Variants in TARBP1 observed in about 807,000 individuals in gnomAD.
TARBP1 encodes tRNA guanosine 2 -O-methyltransferase TARBP1, also known as tRNA (guanosine(18)-2'-O)-methyltransferase TARBP1.
TARBP1 carries 144 observed loss-of-function variants against 178.6 expected under a neutral mutation model. That is an observed-to-expected ratio of 0.81 (90% CI 0.70 to 0.93). The LOEUF is 0.93. Ranked by LOEUF, TARBP1 falls within the 40% of genes least tolerant of loss-of-function variation. TARBP1 has a pLI of 0.00. For synonymous variants in TARBP1, 787 were observed against 781.0 expected (o/e 1.01, Z -0.13); for missense variants, 2,067 against 2,011.7 (o/e 1.03, Z -0.53).
In TARBP1 at chr1:234,433,446, T is replaced by G. The variant is rs3754311; in HGVS notation, c.2358A>C (p.Ala786=). The change falls in exon 14 of 30, where the codon GCA becomes GCC. Residue 786 remains alanine (A), a synonymous_variant. Coordinates refer to ENST00000040877, the MANE Select transcript of TARBP1 (RefSeq NM_005646.4). The part of the protein sequence containing the change: ...IWRVISLLKN[A]SIQHLQEMDS... ...CCATCTCTTGAAGATGCTGAATGGA[T>G]GCATTTTTCAAAAGAGAAATAACTC... 1.9e-6 allele frequency: 3 copies of G among 1,613,808 alleles called. No individual in the cohort carries two copies. Among genetic ancestry groups the G allele is most frequent in the African/African-American group, 1.3e-5 (1 of 74,964 alleles).
chr1:234,414,739 C>T (rs1475921131), intron 22 of TARBP1, among the ~76,000 whole-genome samples: 1 of 152,170 alleles, frequency 6.6e-6, no homozygotes, highest in Non-Finnish European at 1.5e-5. Flanking sequence ...AATCCCAGCA[C>T]TTAGGGAGGC....
intron 22 of TARBP1, among the ~76,000 whole-genome samples, chr1:234,415,440 A>G (rs1158498915): frequency 6.6e-6 from 1 of 152,204 alleles, no homozygotes; most frequent in East Asian, 1.9e-4. Flanking sequence ...TGCTTTGAAT[A>G]AAGGAGGAAA....
chr1:234,435,179 G>A (rs1323307091), intron 13 of TARBP1, among the ~76,000 whole-genome samples: 1 of 152,224 alleles, frequency 6.6e-6, no homozygotes, highest in Non-Finnish European at 1.5e-5. Flanking sequence ...GCTGGGTGCA[G>A]TGGCTCACGC....
intron 12 of TARBP1, among the ~76,000 whole-genome samples, chr1:234,438,706 T>G (rs112471372): frequency 6.6e-6 from 1 of 152,094 alleles, no homozygotes; most frequent in African/African-American, 2.4e-5. Flanking sequence ...AGAAAGACAG[T>G]GGGGCTGAAG....
chr1:234,438,433 C>G (rs562116242), intron 12 of TARBP1, among the ~76,000 whole-genome samples: 2 of 152,256 alleles, frequency 1.3e-5, no homozygotes, highest in East Asian at 3.9e-4. Flanking sequence ...TAGAAATCCT[C>G]AGCAAAGAAA....
intron 7 of TARBP1, 22 bp downstream of exon 7, chr1:234,460,239 G>A (rs1321670031): frequency 2.5e-6 from 4 of 1,607,684 alleles, no homozygotes; most frequent in Admixed American, 1.7e-5. Context: ...AACCATACAA[G>A]TACATATACA....
chr1:234,432,770 G>A (rs930680250), intron 14 of TARBP1, among the ~76,000 whole-genome samples: 7 of 152,162 alleles, frequency 4.6e-5, no homozygotes, highest in Admixed American at 3.9e-4. Flanking sequence ...TCACGGCACT[G>A]TGGGAAGGAG....
At chr1:234,465,526 C>A in intron 5 of TARBP1, 130 bp downstream of exon 5, 3 of 716,270 alleles carry the variant, frequency 4.2e-6, no homozygotes, top group South Asian at 3.5e-5. Context: ...GAAAAAGGAC[C>A]ACATGATAAG....
At chr1:234,400,960 A>C in intron 25 of TARBP1, 1 of 382,228 alleles carries the variant, frequency 2.6e-6, no homozygotes, top group Non-Finnish European at 4.8e-6. Context: ...TGAGAAATAG[A>C]AAGTGAAAAT....
intron 26 of TARBP1, 123 bp from the exon 27 acceptor site, chr1:234,393,960 G>C (rs1659667193): frequency 3.7e-6 from 3 of 809,322 alleles, no homozygotes; most frequent in African/African-American, 1.8e-5. Flanking sequence ...TTTAGAATGA[G>C]ACTTAACAAA....
At position 234,450,479 on chromosome 1, in the gene TARBP1, C is replaced by G. The variant is rs768827683; in HGVS notation, c.1810G>C (p.Ala604Pro). The G allele has an allele frequency of 6.2e-7, 1 of 1,610,464 alleles. No individual in the cohort carries two copies. The highest frequency in any genetic ancestry group is 8.5e-7 in the Non-Finnish European group (1 of 1,178,512). ...SIGLHKTSLN[A>P]YVKSIVQEYV... ...TCTTGAACAATGCTCTTTACATAAG[C>G]ATTTAAAGATGTCTTGTGAAGTCCA... is the stretch of plus-strand genomic sequence containing the variant. The change falls in exon 10 of 30, where the codon GCT becomes CCT. Residue 604 changes from alanine (A) to proline (P), a missense_variant. Physicochemically the swap from Ala to Pro is conservative, Grantham distance 27. Coordinates refer to ENST00000040877, the MANE Select transcript of TARBP1 (RefSeq NM_005646.4).
At chr1:234,472,879 A>C in intron 1 of TARBP1, 68 bp from the exon 2 acceptor site, 1 of 1,169,720 alleles carries the variant, frequency 8.5e-7, no homozygotes, top group East Asian at 2.4e-5. Flanking sequence ...CAATGACAGC[A>C]GTTCTTAAAA....
At chr1:234,401,288 C>T (rs1189684559) in intron 24 of TARBP1, 26 bp from the exon 25 acceptor site, 2 of 1,572,826 alleles carry the variant, frequency 1.3e-6, no homozygotes, top group Non-Finnish European at 1.7e-6. Context: ...ATGGTATGAG[C>T]CACAGACAAA....
Position 234,398,387 on chromosome 1 carries a change from T to C in TARBP1, c.4238A>G (p.Asp1413Gly), listed in dbSNP as rs1178991883. 6.3e-7 allele frequency: 1 copy of C among 1,598,832 alleles called. No homozygotes were observed. The highest frequency in any genetic ancestry group is 8.5e-7 in the Non-Finnish European group (1 of 1,171,660). The change falls in exon 26 of 30, where the codon GAC becomes GGC. Residue 1413 changes from aspartate (D) to glycine (G), a missense_variant. By Grantham distance (94) the Asp-to-Gly change is moderately conservative. Transcript: ENST00000040877. ...KLKPGDWSQQ[D>G]IGTNLVEADN... Reference sequence around the variant, plus strand: ...AAATGAAAATTATTTTTTACCTATGTCTTGCTGAGACCAGTCACCTGGTTT... The same window carrying C: ...AAATGAAAATTATTTTTTACCTATGCCTTGCTGAGACCAGTCACCTGGTTT...
At chr1:234,438,914 G>T (rs1665306548) in intron 12 of TARBP1, among the ~76,000 whole-genome samples, 2 of 152,124 alleles carry the variant, frequency 1.3e-5, no homozygotes, top group Admixed American at 6.5e-5. Flanking sequence ...CATTGCCAAA[G>T]AAAAACCTGA....
At chr1:234,474,253 C>T (rs1669361161) in intron 1 of TARBP1, among the ~76,000 whole-genome samples, 1 of 142,028 alleles carries the variant, frequency 7.0e-6, no homozygotes, top group African/African-American at 2.8e-5. Context: ...AAAACACACA[C>T]ACACACACAC....
intron 17 of TARBP1, among the ~76,000 whole-genome samples, 192 bp downstream of exon 17, chr1:234,428,944 G>A (rs1225912936): frequency 6.6e-6 from 1 of 152,252 alleles, no homozygotes; most frequent in East Asian, 1.9e-4. Flanking sequence ...CCAGGCTACC[G>A]TTTTGTACCT....
At chr1:234,427,552 A>G (rs751881239) in intron 18 of TARBP1, 24 bp downstream of exon 18, 1 of 1,580,976 alleles carries the variant, frequency 6.3e-7, no homozygotes, top group South Asian at 1.2e-5. Flanking sequence ...AGTTATGACC[A>G]GTTGAAATAA....
intron 14 of TARBP1, among the ~76,000 whole-genome samples, chr1:234,432,699 G>A (rs1664586504): frequency 6.6e-6 from 1 of 151,954 alleles, no homozygotes; most frequent in South Asian, 2.1e-4. Context: ...GCCTCCATGA[G>A]GAAGATAGGA....
Sources: gnomAD v4.1 joint callset for allele counts (sites outside exome capture counted in the v4.1 genomes callset) on GRCh38, gnomAD v4.1.1 for gene constraint, MANE v1.5 for transcripts, NCBI Gene and HGNC (gene_info 2026-07-23, HGNC 2026-07-21) for gene names.